Variants in ANKRD28 observed in about 807,000 individuals in gnomAD.
The protein encoded by ANKRD28 is ankyrin repeat domain 28.
A neutral mutation model predicts 126.5 loss-of-function variants in ANKRD28; 44 were observed. That is an observed-to-expected ratio of 0.35 (90% CI 0.27 to 0.45). The LOEUF (loss-of-function observed/expected upper bound fraction) is 0.45, where lower values mean the gene tolerates loss of function less well. Ranked by LOEUF, ANKRD28 falls within the 20% of genes least tolerant of loss-of-function variation. The pLI, the probability that ANKRD28 is intolerant of heterozygous loss-of-function variation, is 1.00. For missense variants in ANKRD28, 1,110 were observed against 1,316.6 expected (o/e 0.84, Z 2.43); for synonymous variants, 442 against 468.5 (o/e 0.94, Z 0.73).
At position 15,833,720 on chromosome 3, in the gene ANKRD28, G is replaced by A. The variant is rs1381462068; in HGVS notation, c.27+25657C>T. On this transcript the variant is annotated intron_variant, in intron 1 of 27. Transcript: ENST00000399451. This position sits in a 1 kb window ranked among gnomAD's most constrained non-coding sequence, Gnocchi z 4.4. ...CATTTATGCTGGAAGCTGCAATTAT[G>A]AGTGAAAAATCAGAACTTGGCAATG... Among the ~76,000 whole-genome samples the A allele has an allele frequency of 6.6e-6, 1 of 151,810 alleles. No individual in the cohort carries two copies. Among genetic ancestry groups the A allele is most frequent in the Non-Finnish European group, 1.5e-5 (1 of 67,962 alleles).
chr3:15,706,316 C>A (rs1449311184), intron 14 of ANKRD28, among the ~76,000 whole-genome samples: 4 of 151,940 alleles, frequency 2.6e-5, no homozygotes, highest in African/African-American at 9.7e-5. Flanking sequence ...GTTCAATTCT[C>A]ACCTATGAGT....
At chr3:15,778,874 C>T (rs2125675937) in intron 2 of ANKRD28, among the ~76,000 whole-genome samples, 1 of 152,230 alleles carries the variant, frequency 6.6e-6, no homozygotes, top group Admixed American at 6.5e-5. Flanking sequence ...GGGGGCAGTT[C>T]CCCCATGCTA....
At chr3:15,747,562 T>A (rs1311111543) in intron 4 of ANKRD28, among the ~76,000 whole-genome samples, 1 of 152,212 alleles carries the variant, frequency 6.6e-6, no homozygotes, top group Non-Finnish European at 1.5e-5. Flanking sequence ...AGAGAGTACT[T>A]GATATAATTT....
At chr3:15,750,585 C>T (rs930976519) in intron 4 of ANKRD28, among the ~76,000 whole-genome samples, 8 of 152,198 alleles carry the variant, frequency 5.3e-5, no homozygotes, top group African/African-American at 1.9e-4. Flanking sequence ...TAGGAGGCTA[C>T]AGCTAATAGA....
chr3:15,691,000 C>A (rs2068717829), intron 17 of ANKRD28, among the ~76,000 whole-genome samples: 1 of 152,130 alleles, frequency 6.6e-6, no homozygotes, highest in Non-Finnish European at 1.5e-5. Flanking sequence ...TGTGCCATAG[C>A]TAAAAAAGAA....
At chr3:15,781,979 C>T (rs1349776147) in intron 2 of ANKRD28, among the ~76,000 whole-genome samples, 2 of 152,036 alleles carry the variant, frequency 1.3e-5, no homozygotes, top group African/African-American at 4.8e-5. Context: ...AAAGAAACAG[C>T]AGTGTTTTTC....
intron 2 of ANKRD28, among the ~76,000 whole-genome samples, chr3:15,777,693 A>G (rs1198611019): frequency 6.6e-6 from 1 of 152,192 alleles, no homozygotes; most frequent in East Asian, 1.9e-4. Context: ...AGGGCGAAAC[A>G]AAACACATGT....
At chr3:15,741,697 CTTTTTTTTTTTTTTTTT>C (rs58655271) in intron 4 of ANKRD28, among the ~76,000 whole-genome samples, 690 of 33,640 alleles carry the variant, frequency 0.021, 12 homozygotes, top group Middle Eastern at 0.062. Flanking sequence ...TGGTTCTATC[CTTTTTTTTTTTTTTTTT>C]TTTTTTTTTT....
Position 15,709,691 on chromosome 3 carries a change from A to G in ANKRD28, c.1383T>C (p.Phe461=), listed in dbSNP as rs1389495143. 1 of 1,584,224 alleles carries G rather than the reference A, an allele frequency of 6.3e-7. No individual in the cohort carries two copies. Among genetic ancestry groups the G allele is most frequent in the Non-Finnish European group, 8.6e-7 (1 of 1,163,396 alleles). The change falls in exon 13 of 28, where the codon TTT becomes TTC. Residue 461 remains phenylalanine (F), a synonymous_variant. Transcript: ENST00000683139. ...ACCTCCCAAATTTGTCCTTTTTATT[A>G]AAGTCTGCACCAGTATTCAGCAGAA... The part of the protein sequence containing the change: ...LNLLLNTGAD[F]NKKDKFGRSP...
At chr3:15,677,087 T>C (rs1406674944) in intron 25 of ANKRD28, 31 bp from the exon 26 acceptor site, 2 of 1,560,516 alleles carry the variant, frequency 1.3e-6, no homozygotes, top group Non-Finnish European at 8.8e-7. Context: ...TTATAAAAAC[T>C]TGAGCACCAT....
At chr3:15,798,381 C>T (rs943197989), upstream of ANKRD28, among the ~76,000 whole-genome samples, 1 of 152,060 alleles carries the variant, frequency 6.6e-6, no homozygotes, top group African/African-American at 2.4e-5. Context: ...TTACCAAGAT[C>T]AGTTTTAATC....
At chr3:15,802,977 A>G (rs999064027), upstream of ANKRD28, among the ~76,000 whole-genome samples, 1 of 152,242 alleles carries the variant, frequency 6.6e-6, no homozygotes, top group African/African-American at 2.4e-5. Flanking sequence ...ATAAAAAAAA[A>G]TGTCTGAAAG....
chr3:15,695,325 G>T, intron 15 of ANKRD28, 111 bp from the exon 16 acceptor site: 1 of 759,514 alleles, frequency 1.3e-6, no homozygotes. Context: ...TGCTTCCTTT[G>T]GCTCCAAAAA....
At chr3:15,800,768 A>G (rs2060446998), upstream of ANKRD28, among the ~76,000 whole-genome samples, 1 of 152,132 alleles carries the variant, frequency 6.6e-6, no homozygotes, top group Non-Finnish European at 1.5e-5. Flanking sequence ...TAGGGACTGT[A>G]AAATTCCTTT....
intron 12 of ANKRD28, among the ~76,000 whole-genome samples, chr3:15,710,492 C>T (rs112861762): frequency 1.4e-4 from 21 of 152,146 alleles, no homozygotes; most frequent in African/African-American, 5.1e-4. Flanking sequence ...TCCATCTCTA[C>T]AACTTAGACT....
rs375763827 is a variant in ANKRD28 at position 15,822,517 on chromosome 3, T to C, written c.28-27211A>G. Among the ~76,000 whole-genome samples, 13 of 152,268 alleles carry C rather than the reference T, an allele frequency of 8.5e-5. No individual in the cohort carries two copies. The East Asian group carries it at 9.6e-4, about 11-fold the overall frequency. On this transcript the variant is annotated intron_variant, in intron 1 of 27. Transcript: ENST00000399451. ...GGCTCTCCAGCTACAATATTCAAAA[T>C]ATCCAATTTCCAACAAAAACATCTG...
At chr3:15,849,107 A>G (rs1402358672) in intron 1 of ANKRD28, among the ~76,000 whole-genome samples, 1 of 152,214 alleles carries the variant, frequency 6.6e-6, no homozygotes, top group Non-Finnish European at 1.5e-5. Context: ...GAAATTTAAG[A>G]AAGTCCAAAA....
Position 15,797,618 on chromosome 3 carries a change from T to C in ANKRD28, c.-1097A>G. The C allele has an allele frequency of 1.0e-6, 1 of 985,202 alleles. No homozygotes were observed. Among genetic ancestry groups the C allele is most frequent in the Non-Finnish European group, 1.2e-6 (1 of 829,896 alleles). 61.0% of individuals were successfully genotyped at this position (985,202 alleles called of 1,614,324 possible). A position where few individuals can be genotyped will look rare whatever the true frequency, so the allele number is the denominator to read the frequency against. On this transcript the variant is annotated 5_prime_UTR_variant, in exon 1 of 28. Transcript: ENST00000683139. Reference sequence around the variant, plus strand: ...TATCATTCCAGTGTTTCCTTTGATCTCCACATGAATACAGCTTCCATTAAA... The same window carrying C: ...TATCATTCCAGTGTTTCCTTTGATCCCCACATGAATACAGCTTCCATTAAA...
At chr3:15,705,777 G>A (rs1355798214) in intron 14 of ANKRD28, among the ~76,000 whole-genome samples, 2 of 152,158 alleles carry the variant, frequency 1.3e-5, no homozygotes, top group Middle Eastern at 3.2e-3. Context: ...CAAGGTGGGC[G>A]GATCACTTAG....
Sources: gnomAD v4.1 joint callset for allele counts (sites outside exome capture counted in the v4.1 genomes callset) on GRCh38, gnomAD v4.1.1 for gene constraint, Gnocchi (gnomAD v3.1) non-coding constraint, MANE v1.5 for transcripts, NCBI Gene and HGNC (gene_info 2026-07-23, HGNC 2026-07-21) for gene names.